The following COX10 variants were observed in gnomAD, a reference collection of about 807,000 sequenced individuals.
The protein encoded by COX10 is cytochrome c oxidase assembly factor heme A:farnesyltransferase COX10, also known as protoheme IX farnesyltransferase, mitochondrial.
In COX10, 27 loss-of-function variants were observed where a neutral mutation model predicts 37.3. The observed-to-expected ratio is 0.72, with a 90% CI of 0.53 to 1.00. The LOEUF (loss-of-function observed/expected upper bound fraction) is 1.00. Ranked by LOEUF, COX10 falls within the 50% of genes least tolerant of loss-of-function variation. The pLI is 0.00. For missense variants in COX10, 475 were observed against 563.2 expected (o/e 0.84, Z 1.59); for synonymous variants, 222 against 229.1 (o/e 0.97, Z 0.28).
intron 4 of COX10, among the ~76,000 whole-genome samples, chr17:14,143,211 G>A (rs1298904575): frequency 4.0e-5 from 6 of 151,886 alleles, no homozygotes; most frequent in African/African-American, 1.2e-4. Context: ...AGTGTATTTC[G>A]GGTACTGATT....
At chr17:14,096,654 GC>G (rs1172668980) in intron 3 of COX10, among the ~76,000 whole-genome samples, 1 of 152,136 alleles carries the variant, frequency 6.6e-6, no homozygotes, top group Non-Finnish European at 1.5e-5. Flanking sequence ...ACTGGCATGT[GC>G]CATGGCATCT....
intron 6 of COX10, among the ~76,000 whole-genome samples, chr17:14,204,567 A>G (rs1187926065): frequency 1.3e-5 from 2 of 151,792 alleles, no homozygotes; most frequent in African/African-American, 4.8e-5. Context: ...CACCATCCTG[A>G]TCCTAAGTAC....
chr17:14,149,116 G>A (rs1904817414), intron 4 of COX10, among the ~76,000 whole-genome samples: 1 of 151,156 alleles, frequency 6.6e-6, no homozygotes, highest in Non-Finnish European at 1.5e-5. Flanking sequence ...TTTATCCATT[G>A]GTATAATCAT....
At chr17:14,108,174 T>C (rs556057701) in intron 4 of COX10, among the ~76,000 whole-genome samples, 1 of 152,226 alleles carries the variant, frequency 6.6e-6, no homozygotes, top group African/African-American at 2.4e-5. Context: ...AGAGTACAAC[T>C]TTGAAGGAAT....
intron 5 of COX10, among the ~76,000 whole-genome samples, chr17:14,185,429 A>G (rs1170016085): frequency 6.6e-6 from 1 of 150,508 alleles, no homozygotes; most frequent in East Asian, 2.0e-4. Context: ...TTTTATGAGC[A>G]CTAAGGCAGA....
At chr17:14,140,791 A>T (rs1904516640) in intron 4 of COX10, among the ~76,000 whole-genome samples, 1 of 152,150 alleles carries the variant, frequency 6.6e-6, no homozygotes, top group Admixed American at 6.5e-5. Context: ...CTTGTTCTTC[A>T]TTTAATTGCA....
At chr17:14,204,011 G>C (rs1567614444) in intron 6 of COX10, among the ~76,000 whole-genome samples, 1 of 152,136 alleles carries the variant, frequency 6.6e-6, no homozygotes, top group Non-Finnish European at 1.5e-5. Flanking sequence ...CCTGTAGTTT[G>C]CCTGACTGGT....
At chr17:14,136,681 T>G (rs1904380240) in intron 4 of COX10, among the ~76,000 whole-genome samples, 1 of 152,048 alleles carries the variant, frequency 6.6e-6, no homozygotes, top group Non-Finnish European at 1.5e-5. Flanking sequence ...TTTATAAGGT[T>G]AGCAGAACAA....
intron 6 of COX10, 90 bp from the exon 7 acceptor site, chr17:14,206,720 G>T: frequency 6.5e-7 from 1 of 1,533,924 alleles, no homozygotes. Flanking sequence ...TGAGGTGCCA[G>T]GCAGGCTCTC....
chr17:14,136,291 T>G (rs1056380845), intron 4 of COX10, among the ~76,000 whole-genome samples: 56 of 152,042 alleles, frequency 3.7e-4, no homozygotes, highest in African/African-American at 1.3e-3. Context: ...TCTAGAAAAT[T>G]CATTTGTATG....
intron 5 of COX10, among the ~76,000 whole-genome samples, chr17:14,167,960 G>A (rs1905339097): frequency 6.6e-6 from 1 of 152,100 alleles, no homozygotes; most frequent in Non-Finnish European, 1.5e-5. Context: ...GTCCCTCAAA[G>A]TCTTAACTCA....
intron 3 of COX10, among the ~76,000 whole-genome samples, chr17:14,086,993 T>C (rs1215529981): frequency 6.6e-6 from 1 of 152,238 alleles, no homozygotes; most frequent in African/African-American, 2.4e-5. Flanking sequence ...CATTCTGCTG[T>C]GGCAGTTTTT....
intron 3 of COX10, 126 bp from the exon 4 acceptor site, chr17:14,101,992 C>CTG (rs1215935391): frequency 6.4e-5 from 75 of 1,171,842 alleles, no homozygotes; most frequent in Non-Finnish European, 9.3e-5. Context: ...AAAGATCAGC[C>CTG]TGTACTTTGT....
rs1470074016 is a variant in COX10 at position 14,077,032 on chromosome 17, C to T, written c.475C>T (p.Arg159Ter). Residue 159 changes from arginine (R) to a stop codon, truncating the protein, a stop_gained, in exon 3 of 7, where the codon CGA (arginine) becomes TGA (stop). Transcript: ENST00000261643. LOFTEE classifies it high-confidence loss of function. The part of the protein sequence containing the change: ...QVYDLPGILA[R>*]LSKIKLTALV... ...GTATGATTTGCCAGGAATTTTGGCT[C>T]GACTATCCAAAATCAAACTCACAGG... is the stretch of plus-strand genomic sequence containing the variant. The T allele has an allele frequency of 1.2e-6, 2 of 1,613,908 alleles. No homozygotes were observed. Among genetic ancestry groups the T allele is most frequent in the Non-Finnish European group, 1.7e-6 (2 of 1,179,998 alleles).
At chr17:14,117,310 T>A (rs1379362459) in intron 4 of COX10, among the ~76,000 whole-genome samples, 1 of 152,166 alleles carries the variant, frequency 6.6e-6, no homozygotes, top group Non-Finnish European at 1.5e-5. Flanking sequence ...GTTTCTTCCT[T>A]GGGAAAGATC....
intron 3 of COX10, among the ~76,000 whole-genome samples, chr17:14,079,738 C>A (rs1024838954): frequency 6.6e-6 from 1 of 151,986 alleles, no homozygotes; most frequent in East Asian, 1.9e-4. Flanking sequence ...CCTTTCCCAC[C>A]ATTCTAGATA....
intron 6 of COX10, among the ~76,000 whole-genome samples, chr17:14,201,804 C>T (rs1906548110): frequency 6.6e-6 from 1 of 152,218 alleles, no homozygotes; most frequent in Admixed American, 6.5e-5. Context: ...TCTGAGACAG[C>T]TCGTGAGCTG....
chr17:14,105,550 T>A (rs74875486), intron 4 of COX10, among the ~76,000 whole-genome samples: 5,264 of 152,286 alleles, frequency 0.035, 143 homozygotes, highest in East Asian at 0.11. Flanking sequence ...TTAAAGTAGG[T>A]GGTATTCCTT....
chr17:14,203,139 T>G (rs1484952549), intron 6 of COX10, among the ~76,000 whole-genome samples: 2 of 152,212 alleles, frequency 1.3e-5, no homozygotes, highest in African/African-American at 4.8e-5. Flanking sequence ...ACCTGTCATC[T>G]GTTTACCAGG....
Sources: allele counts gnomAD v4.1 joint callset (sites outside exome capture counted in the v4.1 genomes callset), GRCh38; gene constraint gnomAD v4.1.1; transcripts MANE v1.5; gene names NCBI Gene and HGNC (gene_info 2026-07-23, HGNC 2026-07-21).